Variants in TMBIM1 observed in about 807,000 individuals in gnomAD.
The protein encoded by TMBIM1 is transmembrane BAX inhibitor motif containing 1.
In TMBIM1, 34 loss-of-function variants were observed where a neutral mutation model predicts 45.1. That is an observed-to-expected ratio of 0.75 (90% confidence interval 0.57 to 1.00). The LOEUF is 1.00. Among genes scored for constraint, TMBIM1 ranks in the 50% least tolerant of loss-of-function variants. TMBIM1 has a pLI of 0.00. For missense variants in TMBIM1, 374 were observed against 402.4 expected (o/e 0.93, Z 0.60); for synonymous variants, 157 against 153.5 (o/e 1.02, Z -0.17).
At chr2:218,276,201 G>T in intron 10 of TMBIM1, 122 bp from the exon 11 acceptor site, 1 of 1,028,050 alleles carries the variant, frequency 9.7e-7, no homozygotes, top group Non-Finnish European at 1.5e-6. Context: ...AGCTCTCCAT[G>T]AAAGGCTACT....
chr2:218,278,207 CTT>C, intron 6 of TMBIM1: 1 of 608,456 alleles, frequency 1.6e-6, no homozygotes, highest in Non-Finnish European at 2.9e-6. Flanking sequence ...GTTTGCAACT[CTT>C]AAACTGACTG....
intron 3 of TMBIM1, 86 bp from the exon 4 acceptor site, chr2:218,279,439 ACTCAAGAACC>A (rs1691632636): frequency 4.0e-6 from 5 of 1,257,862 alleles, no homozygotes; most frequent in Admixed American, 2.7e-5. Flanking sequence ...CTTTCCTCCC[ACTCAAGAACC>A]CTCCCTAGCT....
Position 218,280,070 on chromosome 2 carries a change from C to T in TMBIM1, c.259G>A (p.Gly87Arg), listed in dbSNP as rs1395649901. 5 of 1,614,162 alleles carry T rather than the reference C, an allele frequency of 3.1e-6. No homozygotes were observed. The highest frequency in any genetic ancestry group is 3.4e-6 in the Non-Finnish European group (4 of 1,179,988). Residue 87 changes from glycine (G) to arginine (R), a missense_variant, in exon 3 of 12, where the codon GGA becomes AGA. Transcript: ENST00000258412. ...CGCACTTTCCGGTCATCCCACTCTC[C>T]AGGCCCGAAGCTATCACTCACTGCT... is the stretch of plus-strand genomic sequence containing the variant. ...ERAVSDSFGP[G>R]EWDDRKVRHT...
chr2:218,291,871 G>A (rs1489405054), intron 1 of TMBIM1, among the ~76,000 whole-genome samples: 1 of 152,202 alleles, frequency 6.6e-6, no homozygotes, highest in Non-Finnish European at 1.5e-5. Flanking sequence ...CATGGTGATA[G>A]AGGTGGCCAC....
At chr2:218,282,538 G>A (rs368905675) in intron 1 of TMBIM1, among the ~76,000 whole-genome samples, 1 of 152,210 alleles carries the variant, frequency 6.6e-6, no homozygotes, top group Non-Finnish European at 1.5e-5. Context: ...CAGAACCAGC[G>A]AAGAAGCCAG....
intron 8 of TMBIM1, 25 bp downstream of exon 8, chr2:218,277,608 A>C: frequency 6.2e-7 from 1 of 1,614,148 alleles, no homozygotes; most frequent in South Asian, 1.1e-5. Flanking sequence ...ATTTCCCAAG[A>C]GTGGTGCTTT....
chr2:218,287,683 CT>C (rs1368425024), intron 1 of TMBIM1, among the ~76,000 whole-genome samples: 1 of 152,132 alleles, frequency 6.6e-6, no homozygotes, highest in African/African-American at 2.4e-5. Context: ...GCACTCCAGC[CT>C]GGGCAACAAG....
At chr2:218,278,390 A>ATCC in intron 6 of TMBIM1, 125 bp downstream of exon 6, 1 of 1,005,952 alleles carries the variant, frequency 9.9e-7, no homozygotes, top group Non-Finnish European at 1.5e-6. Context: ...TGTCATCGTC[A>ATCC]TCCTCCTCCT....
chr2:218,282,984 C>T (rs1248370845), intron 1 of TMBIM1, among the ~76,000 whole-genome samples: 1 of 152,138 alleles, frequency 6.6e-6, no homozygotes, highest in Non-Finnish European at 1.5e-5. Context: ...GTGCACGGCC[C>T]CTCGCCCTCC....
chr2:218,277,788 G>T (rs1691388158), intron 7 of TMBIM1, 118 bp from the exon 8 acceptor site: 2 of 1,546,424 alleles, frequency 1.3e-6, no homozygotes, highest in East Asian at 4.5e-5. Flanking sequence ...TTGGAAAGAG[G>T]CAGCCACAGA....
chr2:218,279,924 A>G lies in TMBIM1; in HGVS notation c.303+102T>C. 4.7e-6 allele frequency: 4 copies of G among 849,590 alleles called. No individual in the cohort carries two copies. The South Asian group carries it at 5.7e-5, about 12-fold the overall frequency. 52.6% of individuals were successfully genotyped at this position (849,590 alleles called of 1,614,324 possible). ...GCTAGAGAAGACAGGCAGCCAGTGT[A>G]TTTCATGGAATTGATGCCCTGGGGC... On this transcript the variant is annotated intron_variant, in intron 3 of 11. Transcript: ENST00000258412.
At position 218,279,395 on chromosome 2, in the gene TMBIM1, CT is replaced by C. The variant is rs150943893; in HGVS notation, c.304-43del. 3,284 of 1,507,122 alleles carry C rather than the reference CT, an allele frequency of 2.2e-3. 63 individuals carry two copies. In the African/African-American group the frequency reaches 0.041, roughly 19 times the overall value. 93.4% of individuals were successfully genotyped at this position (1,507,122 alleles called of 1,614,324 possible). On this transcript the variant is annotated intron_variant, in intron 3 of 11. Coordinates refer to ENST00000258412, the MANE Select transcript of TMBIM1 (RefSeq NM_022152.6). ...GGGCATGGGTCACCATCCGGCACCCCTGGCCTGCCCCAGGAAGCTGCCAGCC... is the reference window on the plus strand; with the variant it reads ...GGGCATGGGTCACCATCCGGCACCCCGGCCTGCCCCAGGAAGCTGCCAGCC...
chr2:218,277,412 G>C lies in TMBIM1; in HGVS notation c.593C>G (p.Thr198Ser). Reference protein sequence around the residue: ...TKAVIIAMIITAVVSISVTIF... With the variant: ...TKAVIIAMIISAVVSISVTIF... ...GGTGACTGAAATGGATACCACCGCA[G>C]TGATGATCATTGCAATGATGACGGC... The change falls in exon 9 of 12, where the codon ACT becomes AGT. Residue 198 changes from threonine (T) to serine (S), a missense_variant. Transcript: ENST00000258412. 6.2e-7 allele frequency: 1 copy of C among 1,614,216 alleles called. No homozygotes were observed. Among genetic ancestry groups the C allele is most frequent in the Non-Finnish European group, 8.5e-7 (1 of 1,180,042 alleles).
Position 218,284,241 on chromosome 2 carries a change from T to TC in TMBIM1, c.-40-2061dup, listed in dbSNP as rs1692316535. On this transcript the variant is annotated intron_variant, in intron 1 of 11. Transcript: ENST00000258412. ...CCAACCGTGATGTCACCATGACGTG[T>TC]CCCAGCACCTCCTCAGGGTGCACCT... 2.0e-5 allele frequency: 3 copies of TC among 151,522 alleles called. No individual in the cohort carries two copies. In the South Asian group the frequency reaches 6.3e-4, roughly 32 times the overall value. The allele number at this position is 151,522 out of a possible 1,614,324, so 9.4% of individuals were successfully genotyped here. A position where few individuals can be genotyped will look rare whatever the true frequency, so the allele number is the denominator to read the frequency against.
intron 2 of TMBIM1, chr2:218,280,807 T>A (rs919728650): frequency 1.5e-5 from 2 of 137,584 alleles, no homozygotes; most frequent in African/African-American, 2.7e-5. Flanking sequence ...CTCATTTCCT[T>A]TTTTTTTTTT....
chr2:218,279,311 T>C lies in TMBIM1; in HGVS notation c.346A>G (p.Ile116Val), dbSNP rs765010198. 2.5e-6 allele frequency: 4 copies of C among 1,589,344 alleles called. No individual in the cohort carries two copies. In the East Asian group the frequency reaches 9.0e-5, roughly 36 times the overall value. ...TACACAAAGGTGAAGATAGCAATGA[T>C]GGCCACAGTGATGAGCAGCTGCACG... ...ISVQLLITVA[I>V]IAIFTFVEPV... is the part of the protein sequence containing the mutation. Residue 116 changes from isoleucine (I) to valine (V), a missense_variant, in exon 4 of 12, where the codon ATC becomes GTC. Ile to Val is a conservative substitution (Grantham distance 29). Transcript: ENST00000258412.
chr2:218,276,212 G>T, intron 10 of TMBIM1, 133 bp from the exon 11 acceptor site: 1 of 908,558 alleles, frequency 1.1e-6, no homozygotes, highest in Non-Finnish European at 1.7e-6. Flanking sequence ...AAAGGCTACT[G>T]CCTTTCCAGA....
Position 218,278,502 on chromosome 2 carries a change from C to G in TMBIM1, c.473+13G>C, listed in dbSNP as rs1574632553. 1 of 1,613,900 alleles carries G rather than the reference C, an allele frequency of 6.2e-7. No individual in the cohort carries two copies. The highest frequency in any genetic ancestry group is 8.5e-7 in the Non-Finnish European group (1 of 1,179,788). ...TGTCACCCCTCTCACTGTGTTAAGT[C>G]TCTGGGACTCACCTGGGTCCCTGGC... On this transcript the variant is annotated intron_variant, in intron 6 of 11. Coordinates refer to ENST00000258412, the MANE Select transcript of TMBIM1 (RefSeq NM_022152.6).
chr2:218,278,449 C>A (rs1323778376), intron 6 of TMBIM1, 66 bp downstream of exon 6: 4 of 1,523,154 alleles, frequency 2.6e-6, no homozygotes. Context: ...TCCTTCTTTC[C>A]AAAATACTCG....
Sources: gnomAD v4.1 joint callset for allele counts (sites outside exome capture counted in the v4.1 genomes callset) on GRCh38, gnomAD v4.1.1 for gene constraint, MANE v1.5 for transcripts, NCBI Gene and HGNC (gene_info 2026-07-23, HGNC 2026-07-21) for gene names.